The following SLC7A11 variants were observed in gnomAD, a reference collection of about 807,000 sequenced individuals.
The protein encoded by SLC7A11 is cystine/glutamate transporter.
SLC7A11 carries 35 observed loss-of-function variants against 54.5 expected under a neutral mutation model. That is an observed-to-expected ratio of 0.64 (90% CI 0.49 to 0.85). The LOEUF (loss-of-function observed/expected upper bound fraction) is 0.85, where lower values mean the gene tolerates loss of function less well. Ranked by LOEUF, SLC7A11 falls within the 40% of genes least tolerant of loss-of-function variation. The probability of loss-of-function intolerance (pLI) is 0.00; values close to 1 mark genes in which losing one functional copy is unlikely to be tolerated. For synonymous variants in SLC7A11, 230 were observed against 225.2 expected (o/e 1.02, Z -0.19); for missense variants, 583 against 618.1 (o/e 0.94, Z 0.60).
At chr4:138,219,081 G>C (rs543078972) in intron 5 of SLC7A11, among the ~76,000 whole-genome samples, 185 bp downstream of exon 5, 71 of 152,256 alleles carry the variant, frequency 4.7e-4, no homozygotes, top group Admixed American at 2.0e-3. Context: ...GTTATGTTTA[G>C]TTGTCATGTG....
At position 138,172,021 on chromosome 4, in the gene SLC7A11, C is replaced by T. The variant is rs561815738; in HGVS notation, c.1445-4G>A. On this transcript the variant is annotated splice_region_variant and splice_polypyrimidine_tract_variant and intron_variant, in intron 11 of 11. Coordinates refer to ENST00000280612, the MANE Select transcript of SLC7A11 (RefSeq NM_014331.4). ...TGTAATGTTCTGGTTATTTTCTCTA[C>T]AAAGAAATAAAAATGAATTAAAAAT... The T allele has an allele frequency of 3.8e-6, 6 of 1,569,586 alleles. No homozygotes were observed. In the South Asian group the frequency reaches 7.2e-5, roughly 19 times the overall value.
At chr4:138,172,383 A>T (rs549420642) in intron 11 of SLC7A11, among the ~76,000 whole-genome samples, 21 of 152,318 alleles carry the variant, frequency 1.4e-4, no homozygotes, top group African/African-American at 4.8e-4. Context: ...CACCTATGAG[A>T]TTACAATCAG....
chr4:138,238,251 A>T (rs537625643), intron 1 of SLC7A11, among the ~76,000 whole-genome samples: 66 of 152,260 alleles, frequency 4.3e-4, no homozygotes, highest in African/African-American at 1.5e-3. Flanking sequence ...TGTGTGTATA[A>T]ATGTGGCAGC....
chr4:138,219,416 T>C, intron 4 of SLC7A11, 51 bp from the exon 5 acceptor site: 2 of 1,088,110 alleles, frequency 1.8e-6, no homozygotes, highest in Non-Finnish European at 2.8e-6. Context: ...TTGGTTCTTA[T>C]TCACTCTTAA....
rs767725993 is a variant in SLC7A11 at position 138,179,374 on chromosome 4, A to G, written c.1287T>C (p.Ala429=). 8.7e-6 allele frequency: 14 copies of G among 1,612,050 alleles called. No individual in the cohort carries two copies. The Admixed American group carries it at 2.3e-4, about 27-fold the overall frequency. ...TGAAGAGGCATGTGAAGGAAAACAA[A>G]GCTGGGATGAACAGTGGCACCTGGA... The part of the protein sequence containing the change: ...RPFKVPLFIP[A]LFSFTCLFMV... Residue 429 remains alanine, a synonymous_variant, in exon 11 of 12, where the codon GCT becomes GCC. Transcript: ENST00000280612.
At chr4:138,237,738 T>TATATATACATATATATATA (rs1276520668) in intron 1 of SLC7A11, among the ~76,000 whole-genome samples, 1 of 6,778 alleles carries the variant, frequency 1.5e-4, no homozygotes, top group South Asian at 0.01. Flanking sequence ...TATATATATA[T>TATATATACATATATATATA]TTTTTTTTTT....
Position 138,236,324 on chromosome 4 carries a change from C to T in SLC7A11, c.404+1G>A. 2 of 1,603,312 alleles carry T rather than the reference C, an allele frequency of 1.2e-6. No homozygotes were observed. The highest frequency in any genetic ancestry group is 1.7e-5 in the Admixed American group (1 of 57,222). The stretch of plus-strand genomic sequence containing the variant: ...CTTAATTCTTTCTACTATGCTCTTA[C>T]CGTATTATGAGGAGTTCCACCCAGA... On this transcript the variant is annotated splice_donor_variant, in intron 2 of 11. Coordinates refer to ENST00000280612, the MANE Select transcript of SLC7A11 (RefSeq NM_014331.4). LOFTEE classifies it high-confidence loss of function.
At chr4:138,230,890 G>T (rs1738061451) in intron 3 of SLC7A11, among the ~76,000 whole-genome samples, 1 of 152,154 alleles carries the variant, frequency 6.6e-6, no homozygotes, top group African/African-American at 2.4e-5. Flanking sequence ...CAACATGCTA[G>T]GAGCTAAGTG....
intron 6 of SLC7A11, among the ~76,000 whole-genome samples, chr4:138,187,777 C>A (rs368526341): frequency 6.6e-6 from 1 of 151,982 alleles, no homozygotes; most frequent in Non-Finnish European, 1.5e-5. Flanking sequence ...GTTTTCAAAT[C>A]GTTTCACTGT....
chr4:138,223,412 G>A (rs1737865091), intron 3 of SLC7A11, 88 bp from the exon 4 acceptor site: 2 of 1,402,020 alleles, frequency 1.4e-6, no homozygotes, highest in Non-Finnish European at 2.0e-6. Flanking sequence ...GGCAATCTGT[G>A]AGGCAGCAGT....
intron 3 of SLC7A11, among the ~76,000 whole-genome samples, chr4:138,228,666 G>T (rs1004920516): frequency 1.4e-5 from 2 of 147,936 alleles, no homozygotes; most frequent in Admixed American, 1.4e-4. Context: ...GGCTGAGGCA[G>T]GAGAATGGCG....
chr4:138,217,346 T>TA (rs1737704604), intron 5 of SLC7A11, among the ~76,000 whole-genome samples: 1 of 152,166 alleles, frequency 6.6e-6, no homozygotes. Flanking sequence ...GTAAAAGTAT[T>TA]AAAAAAGATT....
At chr4:138,223,985 A>C (rs1737879845) in intron 3 of SLC7A11, among the ~76,000 whole-genome samples, 1 of 152,210 alleles carries the variant, frequency 6.6e-6, no homozygotes, top group African/African-American at 2.4e-5. Context: ...CATTGGGTTC[A>C]AAGCCAGAAG....
At chr4:138,211,698 A>G (rs560190068) in intron 6 of SLC7A11, among the ~76,000 whole-genome samples, 7 of 152,118 alleles carry the variant, frequency 4.6e-5, no homozygotes, top group Non-Finnish European at 7.4e-5. Flanking sequence ...AATACTATTC[A>G]TTCAATAAAA....
chr4:138,222,650 T>G (rs1737843340), intron 4 of SLC7A11, among the ~76,000 whole-genome samples: 1 of 152,212 alleles, frequency 6.6e-6, no homozygotes, highest in Non-Finnish European at 1.5e-5. Context: ...AAAAATAATG[T>G]AACAATAAAA....
At chr4:138,203,040 C>T (rs902324709) in intron 6 of SLC7A11, among the ~76,000 whole-genome samples, 1 of 152,022 alleles carries the variant, frequency 6.6e-6, no homozygotes, top group East Asian at 1.9e-4. Flanking sequence ...TTCTATTTGA[C>T]CTTACCACAC....
Position 138,236,421 on chromosome 4 carries a change from G to C in SLC7A11, c.308C>G (p.Thr103Ser). The change falls in exon 2 of 12, where the codon ACT becomes AGT. Residue 103 changes from threonine to serine, a missense_variant. Coordinates refer to ENST00000280612, the MANE Select transcript of SLC7A11 (RefSeq NM_014331.4). The part of the protein sequence containing the change: ...GALSYAELGT[T>S]IKKSGGHYTY... ...GTAATGACCTCCAGATTTCTTTATA[G>C]TTGTTCCCAATTCAGCATAAGACAA... is the stretch of plus-strand genomic sequence containing the variant. 2.5e-6 allele frequency: 4 copies of C among 1,611,534 alleles called. No homozygotes were observed. Among genetic ancestry groups the C allele is most frequent in the Middle Eastern group, 1.6e-4 (1 of 6,074 alleles).
At chr4:138,194,879 G>A (rs949520260) in intron 6 of SLC7A11, among the ~76,000 whole-genome samples, 2 of 152,118 alleles carry the variant, frequency 1.3e-5, no homozygotes, top group African/African-American at 4.8e-5. Context: ...AGCACATAAA[G>A]CTAATCCCTA....
intron 1 of SLC7A11, among the ~76,000 whole-genome samples, chr4:138,240,079 C>T (rs923605812): frequency 3.9e-5 from 6 of 151,908 alleles, no homozygotes; most frequent in African/African-American, 1.2e-4. Context: ...TGATATTACT[C>T]CAAATTATTT....
Sources: gnomAD v4.1 joint callset for allele counts (sites outside exome capture counted in the v4.1 genomes callset) on GRCh38, gnomAD v4.1.1 for gene constraint, MANE v1.5 for transcripts, NCBI Gene and HGNC (gene_info 2026-07-23, HGNC 2026-07-21) for gene names.